Variants in FAM120C observed in about 807,000 individuals in gnomAD.
The protein encoded by FAM120C is family with sequence similarity 120 member C.
A neutral mutation model predicts 71.2 loss-of-function variants in FAM120C; 14 were observed. The observed-to-expected ratio is 0.20, with a 90% confidence interval of 0.13 to 0.31. The LOEUF (loss-of-function observed/expected upper bound fraction) is 0.31. FAM120C is among the 10% of genes least tolerant of loss of function. The pLI is 1.00. For synonymous variants in FAM120C, 354 were observed against 353.2 expected (o/e 1.00, Z -0.03); for missense variants, 500 against 879.0 (o/e 0.57, Z 5.45).
At chrX:54,115,191 A>G (rs1187942120) in intron 10 of FAM120C, among the ~76,000 whole-genome samples, 2 of 112,539 alleles carry the variant, frequency 1.8e-5, no homozygotes, top group African/African-American at 6.5e-5. Flanking sequence ...TATAGAAAAG[A>G]TATTTGCTAC....
chrX:54,129,125 C>T lies in FAM120C; in HGVS notation c.2062+3567G>A, dbSNP rs782464178. Reference sequence around the variant, plus strand: ...GCTGACCCCCCACCTCCCTCCCGGACGGGGCGGCCGGCCGGGGCGGCTGGC... The same window carrying T: ...GCTGACCCCCCACCTCCCTCCCGGATGGGGCGGCCGGCCGGGGCGGCTGGC... On this transcript the variant is annotated intron_variant, in intron 9 of 15. Coordinates refer to ENST00000375180, the MANE Select transcript of FAM120C (RefSeq NM_017848.6). Among the ~76,000 whole-genome samples the T allele has an allele frequency of 9.4e-5, 10 of 106,002 alleles. No individual in the cohort carries two copies. The East Asian group carries it at 1.3e-3, about 13-fold the overall frequency. The allele number at this position is 106,002 out of a possible 115,157, so 92.0% of individuals were successfully genotyped here.
chrX:54,126,731 G>A (rs919928501), intron 9 of FAM120C, among the ~76,000 whole-genome samples: 2 of 112,990 alleles, frequency 1.8e-5, no homozygotes, highest in East Asian at 5.5e-4. Flanking sequence ...TTATTTGGTG[G>A]ATTATATTTA....
intron 4 of FAM120C, among the ~76,000 whole-genome samples, chrX:54,145,491 G>T (rs1338636807): frequency 2.7e-5 from 3 of 112,056 alleles, no homozygotes; most frequent in Non-Finnish European, 5.6e-5. Flanking sequence ...CAAAAAGTGG[G>T]TGAAGGATAT....
At chrX:54,091,279 AG>A (rs781882668) in intron 11 of FAM120C, 32 bp downstream of exon 11, 125 of 1,037,825 alleles carry the variant, frequency 1.2e-4, no homozygotes, top group Non-Finnish European at 1.6e-4. Context: ...AGCTCATAAA[AG>A]AAAGAACTTA....
At chrX:54,099,271 C>T (rs1557123821) in intron 10 of FAM120C, among the ~76,000 whole-genome samples, 1 of 110,992 alleles carries the variant, frequency 9.0e-6, no homozygotes. Context: ...ACACCTCGGC[C>T]ACCCAAGGTG....
At chrX:54,130,391 A>C (rs1198534636) in intron 9 of FAM120C, among the ~76,000 whole-genome samples, 1 of 111,137 alleles carries the variant, frequency 9.0e-6, no homozygotes, top group Non-Finnish European at 1.9e-5. Flanking sequence ...GATAATTCAA[A>C]CTTCTGTCAT....
At chrX:54,154,835 T>C (rs1005675967) in intron 3 of FAM120C, among the ~76,000 whole-genome samples, 2 of 110,935 alleles carry the variant, frequency 1.8e-5, no homozygotes, top group Non-Finnish European at 3.8e-5. Context: ...GACATAAAAC[T>C]TAGGAGTCAT....
intron 13 of FAM120C, among the ~76,000 whole-genome samples, chrX:54,084,675 A>G (rs1473928245): frequency 9.5e-6 from 1 of 104,996 alleles, no homozygotes; most frequent in East Asian, 3.0e-4. Flanking sequence ...CTAAAAATAC[A>G]AAAATTAGCC....
In FAM120C at chrX:54,072,664, T is replaced by G. The variant is rs960815173; in HGVS notation, c.*369A>C. The G allele has an allele frequency of 1.1e-4, 14 of 132,013 alleles. No homozygotes were observed. Among genetic ancestry groups the G allele is most frequent in the Non-Finnish European group, 1.5e-5 (1 of 67,133 alleles). The allele number at this position is 132,013 out of a possible 1,213,427, so 10.9% of individuals were successfully genotyped here. A position where few individuals can be genotyped will look rare whatever the true frequency, so the allele number is the denominator to read the frequency against. On this transcript the variant is annotated 3_prime_UTR_variant, in exon 16 of 16. Coordinates refer to ENST00000375180, the MANE Select transcript of FAM120C (RefSeq NM_017848.6). Reference sequence around the variant, plus strand: ...CTTTGATAATGAGTATCATTATAAATGCTCAGAAAAACCAAAGCTAGAGCT... The same window carrying G: ...CTTTGATAATGAGTATCATTATAAAGGCTCAGAAAAACCAAAGCTAGAGCT...
Position 54,073,149 on chromosome X carries a change from A to G in FAM120C, c.3175T>C (p.Ser1059Pro). 1 of 1,211,248 alleles carries G rather than the reference A, an allele frequency of 8.3e-7. No individual in the cohort carries two copies. Among genetic ancestry groups the G allele is most frequent in the Non-Finnish European group, 1.1e-6 (1 of 895,427 alleles). Reference sequence around the variant, plus strand: ...TTATTACACTCATTGCTGTCTCTGGATAAGGCACATTGTGATGGAGCTGGA... The same window carrying G: ...TTATTACACTCATTGCTGTCTCTGGGTAAGGCACATTGTGATGGAGCTGGA... ...RLPAPSQCAL[S>P]RDSNECNNGN... is the part of the protein sequence containing the mutation. The change falls in exon 16 of 16, where the codon TCC becomes CCC. Residue 1059 changes from serine (S) to proline (P), a missense_variant. Physicochemically the swap from Ser to Pro is moderately conservative, Grantham distance 74. This residue lies in a region of FAM120C where 85 missense variants were observed against 96.1 expected (regional missense o/e 0.88). Coordinates refer to ENST00000375180, the MANE Select transcript of FAM120C (RefSeq NM_017848.6).
intron 10 of FAM120C, among the ~76,000 whole-genome samples, chrX:54,114,816 C>A (rs1411759425): frequency 1.8e-5 from 2 of 111,651 alleles, no homozygotes; most frequent in African/African-American, 3.3e-5. Flanking sequence ...GGCACAATCT[C>A]AGATCACTGC....
intron 4 of FAM120C, among the ~76,000 whole-genome samples, chrX:54,144,668 A>G (rs1197738064): frequency 8.9e-6 from 1 of 112,350 alleles, no homozygotes; most frequent in African/African-American, 3.2e-5. Flanking sequence ...ATAAAAGAGG[A>G]CACAAACAAA....
chrX:54,124,535 C>G (rs2067015066), intron 9 of FAM120C, among the ~76,000 whole-genome samples: 1 of 97,773 alleles, frequency 1.0e-5, no homozygotes, highest in Non-Finnish European at 2.1e-5. Flanking sequence ...TCCCTGACCC[C>G]TTGAGCTTCC....
chrX:54,165,930 C>T (rs1365717654), intron 1 of FAM120C, among the ~76,000 whole-genome samples: 2 of 109,864 alleles, frequency 1.8e-5, no homozygotes, highest in Non-Finnish European at 3.8e-5. Context: ...CAAACATTTC[C>T]ACAGTATGAA....
At chrX:54,162,204 G>T (rs1416979265) in intron 1 of FAM120C, among the ~76,000 whole-genome samples, 2 of 111,611 alleles carry the variant, frequency 1.8e-5, no homozygotes, top group African/African-American at 3.2e-5. Context: ...AGAATCTCAT[G>T]AATTCCTCTC....
At chrX:54,175,864 T>C (rs1162598446) in intron 1 of FAM120C, among the ~76,000 whole-genome samples, 1 of 111,676 alleles carries the variant, frequency 9.0e-6, no homozygotes, top group Non-Finnish European at 1.9e-5. Flanking sequence ...CTTAGAAGAA[T>C]AGGGATCTAA....
At chrX:54,106,953 G>A (rs1310431882) in intron 10 of FAM120C, among the ~76,000 whole-genome samples, 1 of 111,892 alleles carries the variant, frequency 8.9e-6, no homozygotes, top group Non-Finnish European at 1.9e-5. Flanking sequence ...CTGTTGGTGG[G>A]AGTGTAAATT....
chrX:54,078,953 C>G (rs1468594888), intron 15 of FAM120C, among the ~76,000 whole-genome samples: 2 of 107,541 alleles, frequency 1.9e-5, no homozygotes, highest in Non-Finnish European at 3.8e-5. Context: ...GAGCCCAGGA[C>G]TTTGAGACCA....
intron 9 of FAM120C, among the ~76,000 whole-genome samples, chrX:54,130,107 G>A (rs1264091646): frequency 1.6e-4 from 11 of 70,363 alleles, no homozygotes; most frequent in African/African-American, 6.0e-4. Flanking sequence ...TGGGGAGAGG[G>A]AGAGGGAGAG....
Sources: gnomAD v4.1 joint callset for allele counts (sites outside exome capture counted in the v4.1 genomes callset) on GRCh38, gnomAD v4.1.1 for gene constraint, gnomAD v4.1.1 regional missense constraint, MANE v1.5 for transcripts, NCBI Gene and HGNC (gene_info 2026-07-23, HGNC 2026-07-21) for gene names.